The following CORO1A variants were observed in gnomAD, a reference collection of about 807,000 sequenced individuals.
The protein encoded by CORO1A is coronin-1A.
CORO1A carries 17 observed loss-of-function variants against 44.1 expected under a neutral mutation model. The observed-to-expected ratio is 0.39, with a 90% CI of 0.26 to 0.58. The LOEUF is 0.58. Among genes scored for constraint, CORO1A ranks in the 20% least tolerant of loss-of-function variants. The probability of loss-of-function intolerance (pLI) is 0.62; values close to 1 mark genes in which losing one functional copy is unlikely to be tolerated. For synonymous variants in CORO1A, 271 were observed against 244.2 expected, an observed-to-expected ratio of 1.11 and a Z score of -1.02; for missense variants, 415 against 606.5, an observed-to-expected ratio of 0.68 and a Z score of 3.32.
chr16:30,184,967 A>C lies in CORO1A; in HGVS notation c.-1-242A>C. On this transcript the variant is annotated intron_variant, in intron 1 of 10. Coordinates refer to ENST00000219150, the MANE Select transcript of CORO1A (RefSeq NM_007074.4). The surrounding 1 kb of genome is among the most constrained non-coding windows in gnomAD (Gnocchi z 4.3). ...AGGCTCTGTTGCAGAGGCTGAGGGT[A>C]CAGATTGAGAGGGTGGCTCAGAGTG... 1.7e-6 allele frequency: 1 copy of C among 590,094 alleles called. No individual in the cohort carries two copies. Among genetic ancestry groups the C allele is most frequent in the Non-Finnish European group, 3.0e-6 (1 of 329,746 alleles). 36.6% of individuals were successfully genotyped at this position (590,094 alleles called of 1,614,324 possible). A position where few individuals can be genotyped will look rare whatever the true frequency, so the allele number is the denominator to read the frequency against.
chr16:30,187,882 A>C lies in CORO1A; in HGVS notation c.861+53A>C, dbSNP rs2073361535. The C allele has an allele frequency of 3.1e-6, 5 of 1,610,380 alleles. No homozygotes were observed. In the Admixed American group the frequency reaches 8.3e-5, roughly 27 times the overall value. ...GGAGGTGGGCAGGATGGGCCTGGAGAGGGCCAGGGCAGTGGGCATCCGCTG... is the reference window on the plus strand; with the variant it reads ...GGAGGTGGGCAGGATGGGCCTGGAGCGGGCCAGGGCAGTGGGCATCCGCTG... On this transcript the variant is annotated intron_variant, in intron 7 of 10. Coordinates refer to ENST00000219150, the MANE Select transcript of CORO1A (RefSeq NM_007074.4).
Position 30,186,725 on chromosome 16 carries a change from G to T in CORO1A, c.321+5G>T. The T allele has an allele frequency of 1.2e-6, 2 of 1,611,678 alleles. No individual in the cohort carries two copies. On this transcript the variant is annotated splice_donor_5th_base_variant and intron_variant, in intron 3 of 10. Coordinates refer to ENST00000219150, the MANE Select transcript of CORO1A (RefSeq NM_007074.4). ...TCCGAGGACTGCACAGTCATGGTGA[G>T]TGGTGGTGGGGACCCAGGGGCTGGG...
At chr16:30,187,346 A>G (rs758008335) in intron 5 of CORO1A, 36 bp from the exon 6 acceptor site, 8 of 1,608,016 alleles carry the variant, frequency 5.0e-6, no homozygotes, top group Non-Finnish European at 3.4e-6. Flanking sequence ...TAGGGTATGT[A>G]CGGGTGCCTG....
chr16:30,187,007 T>C, intron 4 of CORO1A, 32 bp from the exon 5 acceptor site: 12 of 1,613,528 alleles, frequency 7.4e-6, no homozygotes, highest in Non-Finnish European at 1.0e-5. Flanking sequence ...GGCAGGAGGC[T>C]CATGGCTTCT....
Position 30,186,587 on chromosome 16 carries a change from T to A in CORO1A, c.199-11T>A. 1 of 1,612,178 alleles carries A rather than the reference T, an allele frequency of 6.2e-7. No individual in the cohort carries two copies. Among genetic ancestry groups the A allele is most frequent in the Non-Finnish European group, 8.5e-7 (1 of 1,179,982 alleles). ...GGCAAAAGCACCTCCAAGGCCCTGC[T>A]GTGCCTTTAGACTGGACGTGTGGAC... On this transcript the variant is annotated splice_polypyrimidine_tract_variant and intron_variant, in intron 2 of 10. Transcript: ENST00000219150.
Position 30,186,670 on chromosome 16 carries a change from C to T in CORO1A, c.271C>T (p.Pro91Ser). 1 of 1,613,296 alleles carries T rather than the reference C, an allele frequency of 6.2e-7. No homozygotes were observed. Among genetic ancestry groups the T allele is most frequent in the South Asian group, 1.1e-5 (1 of 91,038 alleles). ...TAPVLDIAWCPHNDNVIASGS... is the reference protein window; with the variant it reads ...TAPVLDIAWCSHNDNVIASGS... The stretch of plus-strand genomic sequence containing the variant: ...CCCTGTGCTAGACATCGCCTGGTGC[C>T]CGCACAATGACAACGTCATTGCCAG... The change falls in exon 3 of 11, where the codon CCG (proline) becomes TCG (serine). Residue 91 changes from proline (P) to serine (S), a missense_variant. This residue lies in a region of CORO1A where 325 missense variants were observed against 521.7 expected (regional missense o/e 0.62). Coordinates refer to ENST00000219150, the MANE Select transcript of CORO1A (RefSeq NM_007074.4).
intron 5 of CORO1A, 37 bp downstream of exon 5, chr16:30,187,260 C>G: frequency 6.2e-7 from 1 of 1,606,726 alleles, no homozygotes; most frequent in Non-Finnish European, 8.5e-7. Context: ...GACCCTACAG[C>G]CTTTATCCTT....
In CORO1A at chr16:30,186,682, A is replaced by C. The variant is rs763667113; in HGVS notation, c.283A>C (p.Asn95His). Residue 95 changes from asparagine to histidine, a missense_variant, in exon 3 of 11, where the codon AAC becomes CAC. Physicochemically the swap from Asn to His is moderately conservative, Grantham distance 68. Transcript: ENST00000219150. ...LDIAWCPHND[N>H]VIASGSEDCT... is the part of the protein sequence containing the mutation. ...CATCGCCTGGTGCCCGCACAATGAC[A>C]ACGTCATTGCCAGTGGCTCCGAGGA... 12 of 1,613,048 alleles carry C rather than the reference A, an allele frequency of 7.4e-6. No individual in the cohort carries two copies. The South Asian group carries it at 1.3e-4, about 18-fold the overall frequency.
In CORO1A at chr16:30,185,208, G is replaced by T; in HGVS notation, c.-1-1G>T. On this transcript the variant is annotated splice_acceptor_variant, in intron 1 of 10. Coordinates refer to ENST00000219150, the MANE Select transcript of CORO1A (RefSeq NM_007074.4). LOFTEE classifies it low-confidence loss of function (5UTR_SPLICE). ...AATGCTCTTATGCTGTGTGCCCCCA[G>T]AATGAGCCGGCAGGTGGTCCGCTCC... 1 of 1,614,124 alleles carries T rather than the reference G, an allele frequency of 6.2e-7. No homozygotes were observed. The highest frequency in any genetic ancestry group is 8.5e-7 in the Non-Finnish European group (1 of 1,179,978).
chr16:30,186,448 G>C (rs907045081), intron 2 of CORO1A, 150 bp from the exon 3 acceptor site: 3 of 928,198 alleles, frequency 3.2e-6, no homozygotes, highest in Non-Finnish European at 5.1e-6. Flanking sequence ...AACAAGAGAA[G>C]AACAACCCGC....
chr16:30,187,635 C>G (rs762949797), intron 6 of CORO1A, 90 bp from the exon 7 acceptor site: 15 of 1,485,968 alleles, frequency 1.0e-5, no homozygotes, highest in South Asian at 1.1e-5. Context: ...GTTGTTCCCA[C>G]TGGTTGGTCG....
rs1451230074 is a variant in CORO1A, at chr16:30,186,948, G to A, written c.451+3G>A. 1 of 1,612,884 alleles carries A rather than the reference G, an allele frequency of 6.2e-7. No homozygotes were observed. The highest frequency in any genetic ancestry group is 8.5e-7 in the Non-Finnish European group (1 of 1,179,920). Reference sequence around the variant, plus strand: ...CCAGAACGTGCTGCTCAGTGCAGGTGCTGCGGGAGGAGGGGCTTGGGGGTG... The same window carrying A: ...CCAGAACGTGCTGCTCAGTGCAGGTACTGCGGGAGGAGGGGCTTGGGGGTG... On this transcript the variant is annotated splice_donor_region_variant and intron_variant, in intron 4 of 10. Coordinates refer to ENST00000219150, the MANE Select transcript of CORO1A (RefSeq NM_007074.4).
Position 30,184,789 on chromosome 16 carries a change from GA to G in CORO1A, c.-1-419del, listed in dbSNP as rs2073315102. On this transcript the variant is annotated intron_variant, in intron 1 of 10. Coordinates refer to ENST00000219150, the MANE Select transcript of CORO1A (RefSeq NM_007074.4). This position sits in a 1 kb window ranked among gnomAD's most constrained non-coding sequence, Gnocchi z 4.3. ...CCTTTAGGAAGCGCTGTGTGGGTGT[GA>G]GGGAGGTGGGCTCTGGACACGGTAA... 1 of 304,472 alleles carries G rather than the reference GA, an allele frequency of 3.3e-6. No individual in the cohort carries two copies. Among genetic ancestry groups the G allele is most frequent in the African/African-American group, 2.2e-5 (1 of 46,012 alleles). 18.9% of individuals were successfully genotyped at this position (304,472 alleles called of 1,614,324 possible).
At chr16:30,185,006 G>A in intron 1 of CORO1A, 1 of 641,940 alleles carries the variant, frequency 1.6e-6, no homozygotes, top group Admixed American at 2.3e-5. Context: ...TGGGGCCAGG[G>A]AGAAGGGGGC....
intron 2 of CORO1A, chr16:30,186,248 C>T (rs975029551): frequency 5.4e-6 from 2 of 372,966 alleles, no homozygotes; most frequent in African/African-American, 2.1e-5. Context: ...ATACACCTGT[C>T]CTGGCTCCAG....
chr16:30,188,073 G>A lies in CORO1A; in HGVS notation c.993G>A (p.Lys331=). The A allele has an allele frequency of 1.2e-6, 2 of 1,613,790 alleles. No individual in the cohort carries two copies. The highest frequency in any genetic ancestry group is 1.7e-6 in the Non-Finnish European group (2 of 1,180,028). Residue 331 remains lysine, a synonymous_variant, in exon 8 of 11, where the codon AAG becomes AAA. Transcript: ENST00000219150. Reference sequence around the variant, plus strand: ...CCAAACGTGGCCTGGAGGTGAACAAGTGTGAGATCGCCAGGTGACTGACCC... The same window carrying A: ...CCAAACGTGGCCTGGAGGTGAACAAATGTGAGATCGCCAGGTGACTGACCC... ...YMPKRGLEVN[K]CEIARFYKLH... is the part of the protein sequence containing the mutation.
At position 30,184,788 on chromosome 16, in the gene CORO1A, TGAGG is replaced by T; in HGVS notation, c.-1-416_-1-413del. On this transcript the variant is annotated intron_variant, in intron 1 of 10. Transcript: ENST00000219150. This position sits in a 1 kb window ranked among gnomAD's most constrained non-coding sequence, Gnocchi z 4.3. Reference sequence around the variant, plus strand: ...GCCTTTAGGAAGCGCTGTGTGGGTGTGAGGGAGGTGGGCTCTGGACACGGTAACT... The same window carrying T: ...GCCTTTAGGAAGCGCTGTGTGGGTGTGAGGTGGGCTCTGGACACGGTAACT... 3.3e-6 allele frequency: 1 copy of T among 302,980 alleles called. No homozygotes were observed. Among genetic ancestry groups the T allele is most frequent in the South Asian group, 3.0e-5 (1 of 33,880 alleles). The allele number at this position is 302,980 out of a possible 1,614,324, so 18.8% of individuals were successfully genotyped here.
rs1195085494 is a variant in CORO1A, at chr16:30,188,572, G to A, written c.1277G>A (p.Ser426Asn). ...RAAPEASGTPSSDAVSRLEEE... is the reference protein window; with the variant it reads ...RAAPEASGTPNSDAVSRLEEE... The stretch of plus-strand genomic sequence containing the variant: ...GCACCAGAGGCCAGTGGCACTCCCA[G>A]CTCGGTGAGAGGGCTGGGAAGCCAG... The change falls in exon 10 of 11, where the codon AGC (serine) becomes AAC (asparagine). Residue 426 changes from serine to asparagine, a missense_variant. This residue lies in a region of CORO1A where 90 missense variants were observed against 84.7 expected (regional missense o/e 1.06). Transcript: ENST00000219150. The A allele has an allele frequency of 6.3e-7, 1 of 1,597,026 alleles. No homozygotes were observed. The highest frequency in any genetic ancestry group is 2.0e-4 in the Middle Eastern group (1 of 5,110).
chr16:30,186,234 C>T, intron 2 of CORO1A: 1 of 353,660 alleles, frequency 2.8e-6, no homozygotes, highest in Non-Finnish European at 5.5e-6. Flanking sequence ...CCCCCCCAGC[C>T]CCCATACACC....
Sources: allele counts gnomAD v4.1 joint callset, GRCh38; gene constraint gnomAD v4.1.1; regional missense constraint gnomAD v4.1.1; non-coding constraint Gnocchi (gnomAD v3.1); transcripts MANE v1.5; gene names NCBI Gene and HGNC (gene_info 2026-07-23, HGNC 2026-07-21).